Variants in COMMD10 observed in about 807,000 individuals in gnomAD.
The protein encoded by COMMD10 is COMM domain-containing protein 10.
Under a neutral mutation model 28.9 loss-of-function variants are expected in COMMD10, and 33 were observed. The observed-to-expected ratio is 1.14, with a 90% CI of 0.87 to 1.53. COMMD10 has a LOEUF of 1.53. Among genes scored for constraint, COMMD10 ranks in the 40% most tolerant of loss-of-function variants. The pLI is 0.00. For missense variants in COMMD10, 310 were observed against 233.4 expected (o/e 1.33, Z -2.14); for synonymous variants, 110 against 81.7 (o/e 1.35, Z -1.87).
At position 116,181,752 on chromosome 5, in the gene COMMD10, A is replaced by C. The variant is rs533073298; in HGVS notation, c.510+47574A>C. Among the ~76,000 whole-genome samples the C allele has an allele frequency of 3.3e-5, 5 of 152,170 alleles. No homozygotes were observed. In the South Asian group the frequency reaches 1.0e-3, roughly 32 times the overall value. ...AGAAGGAAGGTTTTTTAATTTAAGA[A>C]AGTTATCTTTAACTTCTGGCAACAT... On this transcript the variant is annotated intron_variant, in intron 5 of 6. Transcript: ENST00000274458.
intron 5 of COMMD10, among the ~76,000 whole-genome samples, chr5:116,259,785 A>G (rs1433619156): frequency 6.6e-6 from 1 of 151,636 alleles, no homozygotes; most frequent in African/African-American, 2.4e-5. Flanking sequence ...ATTGGCTGCT[A>G]CCTTGTTCTG....
chr5:116,187,344 A>G (rs550222473), intron 5 of COMMD10, among the ~76,000 whole-genome samples: 2 of 152,284 alleles, frequency 1.3e-5, no homozygotes, highest in South Asian at 4.1e-4. Flanking sequence ...TGTTTTGTGA[A>G]TTTTATTTAT....
chr5:116,238,762 C>A (rs1327225418), intron 5 of COMMD10, among the ~76,000 whole-genome samples: 1 of 152,118 alleles, frequency 6.6e-6, no homozygotes, highest in Non-Finnish European at 1.5e-5. Flanking sequence ...GGGAATGATT[C>A]CAGCAAAGCA....
chr5:116,194,206 T>C (rs62384230), intron 5 of COMMD10, among the ~76,000 whole-genome samples: 11,105 of 151,714 alleles, frequency 0.073, 471 homozygotes, highest in Admixed American at 0.13. Context: ...AATGCCTAAA[T>C]CCCTAAAAAG....
chr5:116,122,556 A>T (rs1278558512), intron 4 of COMMD10, among the ~76,000 whole-genome samples: 1 of 152,222 alleles, frequency 6.6e-6, no homozygotes, highest in Non-Finnish European at 1.5e-5. Flanking sequence ...CATTGAATCT[A>T]TAAATTACCT....
intron 5 of COMMD10, among the ~76,000 whole-genome samples, chr5:116,269,170 G>A (rs778173349): frequency 6.6e-6 from 1 of 151,642 alleles, no homozygotes; most frequent in South Asian, 2.1e-4. Flanking sequence ...TTTTTCCCAC[G>A]TTTATGTTTA....
Position 116,149,810 on chromosome 5 carries a change from T to C in COMMD10, c.510+15632T>C, listed in dbSNP as rs569393821. Among the ~76,000 whole-genome samples, 275 of 145,998 alleles carry C rather than the reference T, an allele frequency of 1.9e-3. 2 individuals carry two copies. The highest frequency in any genetic ancestry group is 6.4e-3 in the African/African-American group (259 of 40,234). ...ATTTTCTCCCATTTTGTAGGTTGCC[T>C]GTTCACTCTGATGGTAGTTTCTTTT... On this transcript the variant is annotated intron_variant, in intron 5 of 6. Transcript: ENST00000274458.
At chr5:116,163,423 T>TAA (rs58449487) in intron 5 of COMMD10, among the ~76,000 whole-genome samples, 944 of 92,504 alleles carry the variant, frequency 0.01, 24 homozygotes, top group African/African-American at 0.03. Context: ...CACCTCTACT[T>TAA]AAAAAAAAAA....
Position 116,086,460 on chromosome 5 carries a change from TCTC to T in COMMD10, c.42-1036_42-1034del, listed in dbSNP as rs386691437. 4.9e-4 allele frequency among the ~76,000 whole-genome samples: 51 copies of T among 105,114 alleles called. No homozygotes were observed. In the East Asian group the frequency reaches 9.7e-3, roughly 20 times the overall value. 69.0% of individuals were successfully genotyped at this position (105,114 alleles called of 152,430 possible). On this transcript the variant is annotated intron_variant, in intron 1 of 6. Transcript: ENST00000274458. Reference sequence around the variant, plus strand: ...GGAGGCTGAGGCGGGCTAATCTCTCTCTCTTTTTTTTCCCTGAGAGGGCGTTTC... The same window carrying T: ...GGAGGCTGAGGCGGGCTAATCTCTCTTTTTTTTTCCCTGAGAGGGCGTTTC...
intron 5 of COMMD10, among the ~76,000 whole-genome samples, chr5:116,168,301 T>C (rs544530369): frequency 1.4e-4 from 21 of 152,068 alleles, no homozygotes; most frequent in African/African-American, 5.1e-4. Context: ...CTTAAATATA[T>C]ATGCACGCAA....
At chr5:116,097,058 GTCT>G (rs1424571928) in intron 4 of COMMD10, among the ~76,000 whole-genome samples, 1 of 151,746 alleles carries the variant, frequency 6.6e-6, no homozygotes, top group African/African-American at 2.4e-5. Flanking sequence ...ACTTTTTAGT[GTCT>G]TCATGATGAA....
At chr5:116,124,600 C>G (rs755685154) in intron 4 of COMMD10, among the ~76,000 whole-genome samples, 3 of 152,106 alleles carry the variant, frequency 2.0e-5, no homozygotes, top group Non-Finnish European at 4.4e-5. Context: ...TGATGCAGAG[C>G]TGAGTTGAAG....
intron 4 of COMMD10, among the ~76,000 whole-genome samples, chr5:116,100,026 C>T (rs1388911735): frequency 2.0e-5 from 3 of 152,030 alleles, no homozygotes; most frequent in East Asian, 1.9e-4. Flanking sequence ...TCAAATACAC[C>T]TTATATACAT....
At chr5:116,096,717 T>A (rs147316802) in intron 4 of COMMD10, among the ~76,000 whole-genome samples, 50 of 152,238 alleles carry the variant, frequency 3.3e-4, no homozygotes, top group African/African-American at 1.2e-3. Flanking sequence ...TGTTAGAAAA[T>A]GCCCCTTTAT....
intron 5 of COMMD10, among the ~76,000 whole-genome samples, chr5:116,216,247 A>G (rs1236296551): frequency 3.3e-5 from 5 of 152,214 alleles, no homozygotes; most frequent in Admixed American, 6.5e-5. Context: ...ACAGACGCAA[A>G]TTAATCAGAA....
chr5:116,182,229 G>A (rs1747990147), intron 5 of COMMD10, among the ~76,000 whole-genome samples: 1 of 151,896 alleles, frequency 6.6e-6, no homozygotes, highest in Non-Finnish European at 1.5e-5. Flanking sequence ...ACAACAAAAA[G>A]TTTCTTTACT....
chr5:116,205,866 T>G (rs6896019), intron 5 of COMMD10, among the ~76,000 whole-genome samples: 40,296 of 152,026 alleles, frequency 0.27, 7,077 homozygotes, highest in African/African-American at 0.51. Context: ...CTTGATACTT[T>G]CAGATATATA....
chr5:116,202,623 T>C (rs914773897), intron 5 of COMMD10, among the ~76,000 whole-genome samples: 1 of 152,052 alleles, frequency 6.6e-6, no homozygotes, highest in African/African-American at 2.4e-5. Flanking sequence ...GATTTGCATT[T>C]GTCTGATGGC....
intron 5 of COMMD10, among the ~76,000 whole-genome samples, chr5:116,285,181 A>G (rs1469736424): frequency 1.3e-5 from 2 of 151,976 alleles, no homozygotes; most frequent in African/African-American, 4.9e-5. Context: ...AAGAGTAAAA[A>G]TGGAGACCCA....
Sources: allele counts gnomAD v4.1 joint callset (sites outside exome capture counted in the v4.1 genomes callset), GRCh38; gene constraint gnomAD v4.1.1; transcripts MANE v1.5; gene names NCBI Gene and HGNC (gene_info 2026-07-23, HGNC 2026-07-21).